The following PDE1C variants were observed in gnomAD, a reference collection of about 807,000 sequenced individuals.
PDE1C encodes the protein phosphodiesterase 1C, also known as dual specificity calcium/calmodulin-dependent 3',5'-cyclic nucleotide phosphodiesterase 1C.
PDE1C carries 62 observed loss-of-function variants against 93.1 expected under a neutral mutation model. The observed-to-expected ratio is 0.67, with a 90% confidence interval of 0.54 to 0.82. PDE1C has a LOEUF of 0.82. Among genes scored for constraint, PDE1C ranks in the 40% least tolerant of loss-of-function variants. The pLI is 0.00. For missense variants in PDE1C, 742 were observed against 884.6 expected, an observed-to-expected ratio of 0.84 and a Z score of 2.04; for synonymous variants, 325 against 310.1, an observed-to-expected ratio of 1.05 and a Z score of -0.50.
chr7:31,810,973 T>G (rs1192811573), intron 15 of PDE1C, among the ~76,000 whole-genome samples: 1 of 152,118 alleles, frequency 6.6e-6, no homozygotes, highest in Admixed American at 6.6e-5. Context: ...GTCAATAAAC[T>G]CTTCAGGTTC....
chr7:32,281,850 G>T (rs1322932417), intron 1 of PDE1C, among the ~76,000 whole-genome samples: 1 of 152,078 alleles, frequency 6.6e-6, no homozygotes, highest in Non-Finnish European at 1.5e-5. Flanking sequence ...GCCATAAAAA[G>T]GATGAGTTCA....
chr7:32,129,122 C>T (rs1405377959), intron 3 of PDE1C, among the ~76,000 whole-genome samples: 2 of 151,038 alleles, frequency 1.3e-5, no homozygotes, highest in South Asian at 2.1e-4. Context: ...TCTGTCCCAA[C>T]CTCTTATACC....
intron 3 of PDE1C, among the ~76,000 whole-genome samples, chr7:32,155,962 C>T (rs866570539): frequency 3.3e-5 from 5 of 152,152 alleles, no homozygotes; most frequent in African/African-American, 7.2e-5. Context: ...TGGGCAGAAA[C>T]GGCCATGTGA....
At chr7:32,081,946 G>A (rs1477106495) in intron 3 of PDE1C, among the ~76,000 whole-genome samples, 1 of 152,216 alleles carries the variant, frequency 6.6e-6, no homozygotes, top group Non-Finnish European at 1.5e-5. Context: ...CAGAAGATGG[G>A]TGATTTCTGC....
chr7:32,028,965 T>G (rs535977405), intron 2 of PDE1C, among the ~76,000 whole-genome samples: 1 of 152,060 alleles, frequency 6.6e-6, no homozygotes. Flanking sequence ...TCTACAGACT[T>G]GGAGAAAACA....
intron 16 of PDE1C, among the ~76,000 whole-genome samples, chr7:31,794,569 T>A (rs1348062498): frequency 6.6e-6 from 1 of 152,048 alleles, no homozygotes; most frequent in Non-Finnish European, 1.5e-5. Context: ...TGCTCTGTTT[T>A]AAGAATGTAG....
At chr7:31,943,325 A>C (rs992984385) in intron 2 of PDE1C, among the ~76,000 whole-genome samples, 1 of 152,144 alleles carries the variant, frequency 6.6e-6, no homozygotes, top group Non-Finnish European at 1.5e-5. Context: ...AACACATGAG[A>C]TTGGCCCTTG....
rs1178687614 is a variant in PDE1C, at chr7:32,241,377, TAAG to T, written c.86-31841_86-31839del. ...TCATACCCAAGTGAAGAAGATGTTT[TAAG>T]AAGGAGGGAGTGGCCAACCATGTCA... On this transcript the variant is annotated intron_variant, in intron 1 of 18. Transcript: ENST00000396193. 3.9e-5 allele frequency among the ~76,000 whole-genome samples: 6 copies of T among 152,088 alleles called. No individual in the cohort carries two copies. In the East Asian group the frequency reaches 1.2e-3, roughly 29 times the overall value.
chr7:31,804,442 G>T (rs1207791973), intron 16 of PDE1C, among the ~76,000 whole-genome samples: 2 of 151,776 alleles, frequency 1.3e-5, no homozygotes, highest in Admixed American at 1.3e-4. Context: ...TGCATGGGTT[G>T]CTCAGTGTAG....
At chr7:31,784,988 G>C (rs1267590936) in intron 16 of PDE1C, 1 of 152,090 alleles carries the variant, frequency 6.6e-6, no homozygotes, top group Non-Finnish European at 1.5e-5. Context: ...CTCCAAGATA[G>C]GTCATGAGAG....
At chr7:32,158,246 G>A (rs1274770057) in intron 3 of PDE1C, among the ~76,000 whole-genome samples, 1 of 152,164 alleles carries the variant, frequency 6.6e-6, no homozygotes, top group Admixed American at 6.5e-5. Context: ...CTCTCAGGCA[G>A]TTTATGATAT....
the PDE1C span, among the ~76,000 whole-genome samples, chr7:31,716,428 C>G: frequency 6.6e-6 from 1 of 152,084 alleles, no homozygotes; most frequent in Non-Finnish European, 1.5e-5. Flanking sequence ...TAAATAACAC[C>G]AGACCCACAA....
chr7:32,316,579 A>G (rs1783177745), intron 1 of PDE1C, among the ~76,000 whole-genome samples: 1 of 152,204 alleles, frequency 6.6e-6, no homozygotes, highest in Admixed American at 6.5e-5. Flanking sequence ...AATAATGATC[A>G]TGAATTACAA....
chr7:32,081,635 T>C (rs1271270964), intron 3 of PDE1C, among the ~76,000 whole-genome samples: 1 of 152,194 alleles, frequency 6.6e-6, no homozygotes, highest in Non-Finnish European at 1.5e-5. Context: ...TTTTGACCAC[T>C]TTTTCTCTTC....
At chr7:32,349,855 C>T (rs1164157038) in intron 1 of PDE1C, among the ~76,000 whole-genome samples, 2 of 152,194 alleles carry the variant, frequency 1.3e-5, no homozygotes, top group Non-Finnish European at 2.9e-5. Flanking sequence ...GACTCGAACT[C>T]CTGACCTCGT....
chr7:31,873,996 A>G (rs1796244784), intron 5 of PDE1C, among the ~76,000 whole-genome samples: 1 of 152,224 alleles, frequency 6.6e-6, no homozygotes, highest in African/African-American at 2.4e-5. Flanking sequence ...GTTCAGAAAC[A>G]TGCATGATGT....
chr7:32,030,037 C>T (rs1474754139), intron 2 of PDE1C, among the ~76,000 whole-genome samples: 1 of 149,948 alleles, frequency 6.7e-6, no homozygotes, highest in Admixed American at 6.7e-5. Flanking sequence ...ATCCAAGCTA[C>T]GGGTGAGTGA....
At chr7:32,171,454 C>T (rs1280137716) in intron 2 of PDE1C, among the ~76,000 whole-genome samples, 1 of 149,066 alleles carries the variant, frequency 6.7e-6, no homozygotes, top group East Asian at 2.0e-4. Context: ...TGTCATTATT[C>T]CCTAAATAAT....
intron 2 of PDE1C, among the ~76,000 whole-genome samples, chr7:31,949,122 A>G (rs1486962581): frequency 6.6e-6 from 1 of 152,096 alleles, no homozygotes; most frequent in Non-Finnish European, 1.5e-5. Context: ...GAAAATATGC[A>G]ACACTTTTTT....
Sources: gnomAD v4.1 joint callset for allele counts (sites outside exome capture counted in the v4.1 genomes callset) on GRCh38, gnomAD v4.1.1 for gene constraint, MANE v1.5 for transcripts, NCBI Gene and HGNC (gene_info 2026-07-23, HGNC 2026-07-21) for gene names.